The following PTCD1 variants were observed in gnomAD, a reference collection of about 807,000 sequenced individuals.
The protein encoded by PTCD1 is pentatricopeptide repeat-containing protein 1, mitochondrial.
PTCD1 carries 50 observed loss-of-function variants against 53.4 expected under a neutral mutation model. The ratio of observed to expected loss-of-function variants is 0.94; its 90% CI spans 0.75 to 1.19. The LOEUF (loss-of-function observed/expected upper bound fraction) is 1.19. Among genes scored for constraint, PTCD1 ranks in the 50% most tolerant of loss-of-function variants. PTCD1 has a pLI of 0.00. For missense variants in PTCD1, 918 were observed against 904.8 expected, an observed-to-expected ratio of 1.01 and a Z score of -0.19; for synonymous variants, 413 against 394.8, an observed-to-expected ratio of 1.05 and a Z score of -0.55.
In PTCD1 at chr7:99,425,582, G is replaced by A. The variant is rs144362699; in HGVS notation, c.950C>T (p.Pro317Leu). 1.2e-4 allele frequency: 195 copies of A among 1,610,944 alleles called. 1 individual carries two copies. The highest frequency in any genetic ancestry group is 1.5e-4 in the Admixed American group (9 of 59,906). Reference protein sequence around the residue: ...WRLMLSLGLQPSRDSYNLLLV... With the variant: ...WRLMLSLGLQLSRDSYNLLLV... ...CAGCAGGTTGTAGCTGTCCCGGCTC[G>A]GCTGTAGCCCTAGACTCAGCATCAG... is the stretch of plus-strand genomic sequence containing the variant. Residue 317 changes from proline (P) to leucine (L), a missense_variant, in exon 6 of 8, where the codon CCG (proline) becomes CTG (leucine). Physicochemically the swap from Pro to Leu is moderately conservative, Grantham distance 98. Coordinates refer to ENST00000292478, the MANE Select transcript of PTCD1 (RefSeq NM_015545.4).
chr7:99,428,962 A>T, intron 5 of PTCD1, 141 bp downstream of exon 5: 2 of 1,007,914 alleles, frequency 2.0e-6, no homozygotes, highest in South Asian at 1.5e-5. Flanking sequence ...AATGGAGGCT[A>T]CAGTGGCTGC....
At chr7:99,428,613 C>T (rs1236776662) in intron 5 of PTCD1, among the ~76,000 whole-genome samples, 1 of 151,694 alleles carries the variant, frequency 6.6e-6, no homozygotes, top group Admixed American at 6.6e-5. Context: ...TGGTGGCGGG[C>T]GCCTGTAATC....
intron 2 of PTCD1, 85 bp from the exon 3 acceptor site, chr7:99,433,503 C>T (rs775211471): frequency 6.2e-7 from 1 of 1,608,552 alleles, no homozygotes; most frequent in Non-Finnish European, 8.5e-7. Context: ...CTGAGGGACC[C>T]TCCTAAAATG....
rs918519568 is a variant in PTCD1, at chr7:99,434,688, G to A, written c.453+102C>T. On this transcript the variant is annotated intron_variant, in intron 2 of 7. Coordinates refer to ENST00000292478, the MANE Select transcript of PTCD1 (RefSeq NM_015545.4). The stretch of plus-strand genomic sequence containing the variant: ...ATAAGGCTGGCAGTTCAACAGGGTA[G>A]GCCCAAAACTTAGAGGCTGGGAAAG... 1.4e-4 allele frequency: 206 copies of A among 1,460,482 alleles called. No homozygotes were observed. The Admixed American group carries it at 3.4e-3, about 24-fold the overall frequency. The allele number at this position is 1,460,482 out of a possible 1,614,324, so 90.5% of individuals were successfully genotyped here. A position where few individuals can be genotyped will look rare whatever the true frequency, so the allele number is the denominator to read the frequency against.
At position 99,421,690 on chromosome 7, in the gene PTCD1, G is replaced by C. The variant is rs374687726; in HGVS notation, c.1921-1541C>G. Among the ~76,000 whole-genome samples the C allele has an allele frequency of 7.2e-5, 11 of 152,116 alleles. No individual in the cohort carries two copies. In the South Asian group the frequency reaches 1.5e-3, roughly 20 times the overall value. On this transcript the variant is annotated intron_variant, in intron 7 of 7. Transcript: ENST00000292478. ...AAATCACTTGAACCTGGGCGGCAGAGGTTGCAGTGAGGCCAGATCGCATCA... is the reference window on the plus strand; with the variant it reads ...AAATCACTTGAACCTGGGCGGCAGACGTTGCAGTGAGGCCAGATCGCATCA...
chr7:99,433,049 TGAAGGGAA>T, intron 3 of PTCD1: 1 of 627,730 alleles, frequency 1.6e-6, no homozygotes. Context: ...TGTTTTTTTT[TGAAGGGAA>T]AAGAAAGGGA....
chr7:99,434,703 G>A (rs1297565989), intron 2 of PTCD1, 87 bp downstream of exon 2: 2 of 1,565,526 alleles, frequency 1.3e-6, no homozygotes, highest in South Asian at 1.1e-5. Flanking sequence ...AAAACTTAGA[G>A]GCTGGGAAAG....
Position 99,417,567 on chromosome 7 carries a change from G to C in PTCD1, c.*2400C>G. ...ACCAACTTCGGGACGAACTGCATCT[G>C]CCGCGTGCCCAAAAGCAAGCTGGAA... On this transcript the variant is annotated 3_prime_UTR_variant, in exon 8 of 8. Transcript: ENST00000292478. The C allele has an allele frequency of 6.2e-7, 1 of 1,612,870 alleles. No homozygotes were observed. The highest frequency in any genetic ancestry group is 8.5e-7 in the Non-Finnish European group (1 of 1,179,662).
intron 5 of PTCD1, 134 bp from the exon 6 acceptor site, chr7:99,425,750 C>T (rs1045472424): frequency 9.7e-6 from 12 of 1,233,328 alleles, no homozygotes; most frequent in South Asian, 3.9e-5. Context: ...GAGACAAGAC[C>T]GGGCAACATA....
intron 3 of PTCD1, among the ~76,000 whole-genome samples, chr7:99,431,398 G>C (rs1796243615): frequency 6.6e-6 from 1 of 150,420 alleles, no homozygotes. Context: ...AAAATGGTGG[G>C]ATTACAGGTG....
At chr7:99,427,706 G>C (rs1227524630) in intron 5 of PTCD1, among the ~76,000 whole-genome samples, 1 of 151,970 alleles carries the variant, frequency 6.6e-6, no homozygotes, top group African/African-American at 2.4e-5. Flanking sequence ...GATGGTTGCC[G>C]TGTCTGTGTA....
intron 5 of PTCD1, among the ~76,000 whole-genome samples, chr7:99,427,596 G>A (rs1268886333): frequency 2.0e-5 from 3 of 152,150 alleles, no homozygotes; most frequent in Admixed American, 6.5e-5. Flanking sequence ...CACCCCGTCT[G>A]GGAGGTGTGC....
chr7:99,424,782 C>G lies in PTCD1; in HGVS notation c.1737+13G>C, dbSNP rs769166542. 6.2e-7 allele frequency: 1 copy of G among 1,613,920 alleles called. No individual in the cohort carries two copies. The highest frequency in any genetic ancestry group is 8.5e-7 in the Non-Finnish European group (1 of 1,179,942). On this transcript the variant is annotated intron_variant, in intron 6 of 7. Coordinates refer to ENST00000292478, the MANE Select transcript of PTCD1 (RefSeq NM_015545.4). ...GCACCATGGGTGTCCTGCCCAGGCC[C>G]GAGTCCACTCACCTTCATGTCTGTG...
Position 99,435,164 on chromosome 7 carries a change from A to G in PTCD1, c.79T>C (p.Cys27Arg), listed in dbSNP as rs772536672. 8.2e-5 allele frequency: 132 copies of G among 1,603,200 alleles called. No homozygotes were observed. The highest frequency in any genetic ancestry group is 9.1e-5 in the Non-Finnish European group (107 of 1,177,366). The change falls in exon 2 of 8, where the codon TGT (cysteine) becomes CGT (arginine). Residue 27 changes from cysteine to arginine, a missense_variant. Transcript: ENST00000292478. ...GLFILQHLDP[C>R]RARWAGGREG... The stretch of plus-strand genomic sequence containing the variant: ...CTGCCTCCTGCCCACCTGGCTCTAC[A>G]GGGGTCCAGGTGTTGCAGGATGAAC...
chr7:99,420,297 A>G, intron 7 of PTCD1, 148 bp from the exon 8 acceptor site: 3 of 1,163,644 alleles, frequency 2.6e-6, no homozygotes, highest in Non-Finnish European at 2.5e-6. Context: ...AGCTGTGAAC[A>G]CGCACTATGG....
At chr7:99,426,467 C>T (rs1403764891) in intron 5 of PTCD1, among the ~76,000 whole-genome samples, 7 of 152,212 alleles carry the variant, frequency 4.6e-5, no homozygotes, top group Non-Finnish European at 1.0e-4. Flanking sequence ...GCCGGGATTG[C>T]AGACGGAGTC....
rs1360796930 is a variant in PTCD1, at chr7:99,433,338, C to T, written c.534G>A (p.Val178=). Residue 178 remains valine, a synonymous_variant, in exon 3 of 8, where the codon GTG becomes GTA. Transcript: ENST00000292478. ...RLQPMESNYT[V]LIGGCGRVGY... ...CAACCCGCCCGCAGCCCCCAATCAG[C>T]ACCGTGTAGTTGCTCTCCATGGGCT... is the stretch of plus-strand genomic sequence containing the variant. 1 of 1,614,120 alleles carries T rather than the reference C, an allele frequency of 6.2e-7. No homozygotes were observed. The highest frequency in any genetic ancestry group is 1.3e-5 in the African/African-American group (1 of 74,938).
intron 4 of PTCD1, 34 bp from the exon 5 acceptor site, chr7:99,429,238 C>A (rs540294240): frequency 6.2e-7 from 1 of 1,611,804 alleles, no homozygotes. Flanking sequence ...CCACTGAGAA[C>A]CTGCAGCAGG....
rs1795567540 is a variant in PTCD1 at position 99,417,508 on chromosome 7, C to T, written c.*2459G>A. Reference sequence around the variant, plus strand: ...AATGGAAAAAGCAAGGATATGAGAACTTGTGCTGCCTGCGGTGCATTCAGA... The same window carrying T: ...AATGGAAAAAGCAAGGATATGAGAATTTGTGCTGCCTGCGGTGCATTCAGA... On this transcript the variant is annotated 3_prime_UTR_variant, in exon 8 of 8. Coordinates refer to ENST00000292478, the MANE Select transcript of PTCD1 (RefSeq NM_015545.4). The T allele has an allele frequency of 6.2e-7, 1 of 1,611,352 alleles. No homozygotes were observed. The highest frequency in any genetic ancestry group is 1.3e-5 in the African/African-American group (1 of 74,840).
Sources: gnomAD v4.1 joint callset for allele counts (sites outside exome capture counted in the v4.1 genomes callset) on GRCh38, gnomAD v4.1.1 for gene constraint, MANE v1.5 for transcripts, NCBI Gene and HGNC (gene_info 2026-07-23, HGNC 2026-07-21) for gene names.